Variants in GSE1 observed in about 807,000 individuals in gnomAD.
GSE1 encodes the protein genetic suppressor element 1.
Under a neutral mutation model 112.6 loss-of-function variants are expected in GSE1, and 32 were observed. The observed-to-expected ratio is 0.28, with a 90% CI of 0.21 to 0.38. The LOEUF (loss-of-function observed/expected upper bound fraction) is 0.38, where lower values mean the gene tolerates loss of function less well. GSE1 is among the 10% of genes least tolerant of loss of function. The pLI is 1.00. For synonymous variants in GSE1, 1,115 were observed against 735.6 expected (o/e 1.52, Z -8.35); for missense variants, 2,348 against 1,699.2 (o/e 1.38, Z -6.71).
chr16:85,217,900 AT>A (rs2075330708), intron 1 of GSE1, among the ~76,000 whole-genome samples: 1 of 151,430 alleles, frequency 6.6e-6, no homozygotes, highest in Non-Finnish European at 1.5e-5. Flanking sequence ...ACAGAAATTT[AT>A]TTTTTATATA....
chr16:85,609,680 G>A (rs545180578), upstream of GSE1, among the ~76,000 whole-genome samples: 1 of 151,998 alleles, frequency 6.6e-6, no homozygotes, highest in African/African-American at 2.4e-5. Flanking sequence ...TTTGAAACAG[G>A]GTCTCACTCT....
intron 2 of GSE1, among the ~76,000 whole-genome samples, chr16:85,398,139 C>T (rs2048010559): frequency 6.6e-6 from 1 of 152,218 alleles, no homozygotes; most frequent in African/African-American, 2.4e-5. Context: ...GATGTTGTCT[C>T]TCAGTACCTC....
At chr16:85,527,627 C>T (rs1341103073) in intron 2 of GSE1, among the ~76,000 whole-genome samples, 5 of 152,270 alleles carry the variant, frequency 3.3e-5, no homozygotes, top group Non-Finnish European at 7.3e-5. Context: ...AGTTCCGGGA[C>T]CAGCAGCCTA....
chr16:85,448,288 C>G (rs986326919), intron 2 of GSE1, among the ~76,000 whole-genome samples: 12 of 152,218 alleles, frequency 7.9e-5, no homozygotes, highest in Non-Finnish European at 1.0e-4. Flanking sequence ...GCTTCGGGAT[C>G]TTTCCGGAAG....
In GSE1 at chr16:85,503,202, G is replaced by T. The variant is rs113462729; in HGVS notation, c.2465-130712G>T. On this transcript the variant is annotated intron_variant, in intron 2 of 2. Coordinates refer to the GSE1 transcript ENST00000637419. ...AGCCACTGACGGGATTAAGTGAGAC[G>T]CTGAAGCCAGGATTTCCATTCCCCG... Among the ~76,000 whole-genome samples the T allele has an allele frequency of 1.6e-4, 24 of 152,344 alleles. 1 individual carries two copies. The highest frequency in any genetic ancestry group is 5.3e-4 in the African/African-American group (22 of 41,580).
chr16:85,563,511 C>A (rs1303714864), intron 1 of GSE1, among the ~76,000 whole-genome samples: 1 of 152,102 alleles, frequency 6.6e-6, no homozygotes, highest in Non-Finnish European at 1.5e-5. Context: ...TGGGGGATTG[C>A]GGGAGTAGGG....
chr16:85,364,033 C>T (rs2047135903), intron 2 of GSE1, among the ~76,000 whole-genome samples: 1 of 152,240 alleles, frequency 6.6e-6, no homozygotes. Flanking sequence ...CTCTCACACG[C>T]ACACATAGTT....
At chr16:85,267,862 G>C (rs897947234) in intron 1 of GSE1, among the ~76,000 whole-genome samples, 9 of 152,216 alleles carry the variant, frequency 5.9e-5, no homozygotes, top group African/African-American at 1.4e-4. Flanking sequence ...CCAGATGCCA[G>C]ATTCAAACCC....
chr16:85,327,109 G>T (rs1354473443), intron 1 of GSE1, among the ~76,000 whole-genome samples: 2 of 152,194 alleles, frequency 1.3e-5, no homozygotes, highest in African/African-American at 4.8e-5. Flanking sequence ...TTCCATGGGA[G>T]CCTCTCCCTG....
chr16:85,417,338 A>G (rs2048725257), intron 2 of GSE1, among the ~76,000 whole-genome samples: 1 of 152,162 alleles, frequency 6.6e-6, no homozygotes, highest in African/African-American at 2.4e-5. Flanking sequence ...CCTGGGGGCA[A>G]CATCACCCCC....
At chr16:85,637,510 G>A (rs1181305141) in intron 2 of GSE1, among the ~76,000 whole-genome samples, 3 of 151,654 alleles carry the variant, frequency 2.0e-5, no homozygotes, top group South Asian at 2.1e-4. Context: ...CCCCTTGATC[G>A]CGGCAGTGGC....
chr16:85,183,390 C>T (rs1212909120), intron 1 of GSE1, among the ~76,000 whole-genome samples: 1 of 152,216 alleles, frequency 6.6e-6, no homozygotes. Flanking sequence ...TGGAGTCCAG[C>T]TGGGCTGCAC....
At position 85,519,570 on chromosome 16, in the gene GSE1, C is replaced by CTTT. The variant is rs1555526337; in HGVS notation, c.2465-114344_2465-114343insTTT. Among the ~76,000 whole-genome samples the CTTT allele has an allele frequency of 8.6e-5, 3 of 34,758 alleles. 1 individual carries two copies. The highest frequency in any genetic ancestry group is 1.8e-4 in the Non-Finnish European group (3 of 16,722). The allele number at this position is 34,758 out of a possible 152,430, so 22.8% of individuals were successfully genotyped here. Reference sequence around the variant, plus strand: ...ATTACCACCATCACTATCATCATCACCATCACCAGTCTCCATCATCATCAC... The same window carrying CTTT: ...ATTACCACCATCACTATCATCATCACTTTCATCACCAGTCTCCATCATCATCAC... On this transcript the variant is annotated intron_variant, in intron 2 of 2. Transcript: ENST00000637419.
At chr16:85,196,499 A>G (rs945919807) in intron 1 of GSE1, among the ~76,000 whole-genome samples, 12 of 152,072 alleles carry the variant, frequency 7.9e-5, no homozygotes, top group Admixed American at 3.3e-4. Flanking sequence ...TTGAGAGAGA[A>G]AGAGAAAAAA....
intron 2 of GSE1, among the ~76,000 whole-genome samples, chr16:85,522,595 C>G (rs529689089): frequency 1.2e-3 from 181 of 152,356 alleles, no homozygotes; most frequent in African/African-American, 4.2e-3. Context: ...TAATTTGCAT[C>G]CTACTGATGG....
intron 1 of GSE1, among the ~76,000 whole-genome samples, chr16:85,309,250 G>A (rs2045763852): frequency 6.6e-6 from 1 of 152,152 alleles, no homozygotes; most frequent in Non-Finnish European, 1.5e-5. Context: ...CTGTAATCCA[G>A]CACTTTGGGA....
At chr16:85,555,871 C>G (rs1036237298), upstream of GSE1, 3 of 857,282 alleles carry the variant, frequency 3.5e-6, no homozygotes, top group African/African-American at 1.9e-5. Flanking sequence ...TCTTAACCCC[C>G]CAATTTCATC....
chr16:85,251,156 T>A (rs1906431565), intron 1 of GSE1, among the ~76,000 whole-genome samples: 1 of 152,196 alleles, frequency 6.6e-6, no homozygotes, highest in African/African-American at 2.4e-5. Flanking sequence ...CCCTCAGACA[T>A]GTGCCTTGGT....
chr16:85,484,810 G>T (rs61156068), intron 2 of GSE1, among the ~76,000 whole-genome samples: 4,824 of 152,298 alleles, frequency 0.032, 230 homozygotes, highest in African/African-American at 0.11. Flanking sequence ...CCCCTCTTCT[G>T]TAGCCAGCTC....
Sources: gnomAD v4.1 joint callset for allele counts (sites outside exome capture counted in the v4.1 genomes callset) on GRCh38, gnomAD v4.1.1 for gene constraint, MANE v1.5 for transcripts, NCBI Gene and HGNC (gene_info 2026-07-23, HGNC 2026-07-21) for gene names.